ASB1: variants seen among roughly 807,000 people sequenced by gnomAD.
ASB1 encodes ankyrin repeat and SOCS box protein 1.
ASB1 carries 18 observed loss-of-function variants against 27.7 expected under a neutral mutation model. The ratio of observed to expected loss-of-function variants is 0.65; its 90% CI spans 0.45 to 0.96. The LOEUF is 0.96. Among genes scored for constraint, ASB1 ranks in the 50% least tolerant of loss-of-function variants. The pLI is 0.00. For synonymous variants in ASB1, 189 were observed against 187.6 expected (o/e 1.01, Z -0.06); for missense variants, 397 against 451.7 (o/e 0.88, Z 1.10).
chr2:238,434,293 C>T (rs938543476), intron 2 of ASB1, among the ~76,000 whole-genome samples: 3 of 152,226 alleles, frequency 2.0e-5, no homozygotes, highest in Non-Finnish European at 2.9e-5. Flanking sequence ...CTTGCCCTTC[C>T]CTCTCCCTGC....
At chr2:238,438,602 A>G (rs1702019257) in intron 3 of ASB1, among the ~76,000 whole-genome samples, 1 of 152,236 alleles carries the variant, frequency 6.6e-6, no homozygotes, top group Admixed American at 6.5e-5. Flanking sequence ...ATATTATTCT[A>G]TTAAAAAGTT....
intron 3 of ASB1, among the ~76,000 whole-genome samples, chr2:238,440,650 C>T (rs1177324207): frequency 2.0e-5 from 3 of 152,154 alleles, no homozygotes; most frequent in Admixed American, 1.3e-4. Context: ...TTGACTGATC[C>T]CTGTTCAGAG....
chr2:238,433,092 G>A (rs1701901247), intron 1 of ASB1, among the ~76,000 whole-genome samples: 1 of 151,774 alleles, frequency 6.6e-6, no homozygotes, highest in South Asian at 2.1e-4. Flanking sequence ...TATTCTTCAG[G>A]TTTGCCTTAT....
intron 3 of ASB1, among the ~76,000 whole-genome samples, chr2:238,441,018 G>A (rs1007531851): frequency 6.6e-6 from 1 of 152,214 alleles, no homozygotes; most frequent in Non-Finnish European, 1.5e-5. Flanking sequence ...GGAGTGGTCT[G>A]TGCTAATCAT....
At chr2:238,442,371 T>C (rs1314201466) in intron 3 of ASB1, among the ~76,000 whole-genome samples, 3 of 152,006 alleles carry the variant, frequency 2.0e-5, no homozygotes, top group African/African-American at 7.2e-5. Context: ...CTTGGCCTCC[T>C]AAAGTGCTGG....
At position 238,427,090 on chromosome 2, in the gene ASB1, C is replaced by G; in HGVS notation, c.20C>G (p.Pro7Arg). MAEGGSPDGRAGPGSAG... is the reference protein window; with the variant it reads MAEGGSRDGRAGPGSAG... ...GCATCCATGGCGGAGGGCGGCAGCC[C>G]AGACGGGCGGGCAGGGCCGGGCTCC... The change falls in exon 1 of 5, where the codon CCA becomes CGA. Residue 7 changes from proline (P) to arginine (R), a missense_variant. Pro to Arg is a moderately radical substitution (Grantham distance 103). Coordinates refer to ENST00000264607, the MANE Select transcript of ASB1 (RefSeq NM_001040445.3). 1 of 1,262,914 alleles carries G rather than the reference C, an allele frequency of 7.9e-7. No individual in the cohort carries two copies. The allele number at this position is 1,262,914 out of a possible 1,614,324, so 78.2% of individuals were successfully genotyped here.
chr2:238,431,544 C>T (rs1701871480), intron 1 of ASB1, among the ~76,000 whole-genome samples: 1 of 152,272 alleles, frequency 6.6e-6, no homozygotes, highest in African/African-American at 2.4e-5. Context: ...GCATTCACAA[C>T]TTGGCTGTTT....
intron 1 of ASB1, among the ~76,000 whole-genome samples, chr2:238,428,933 C>T (rs1168861915): frequency 2.0e-5 from 3 of 152,152 alleles, no homozygotes; most frequent in African/African-American, 7.2e-5. Context: ...CGACTTTGAA[C>T]TTTTTCACTC....
chr2:238,430,068 TG>T (rs1419936934), intron 1 of ASB1, among the ~76,000 whole-genome samples: 7 of 152,226 alleles, frequency 4.6e-5, no homozygotes, highest in Non-Finnish European at 1.0e-4. Context: ...ATCTTTTTGC[TG>T]GTGGAGGGTC....
At chr2:238,439,605 G>A (rs1326233286) in intron 3 of ASB1, among the ~76,000 whole-genome samples, 1 of 152,166 alleles carries the variant, frequency 6.6e-6, no homozygotes, top group Admixed American at 6.5e-5. Context: ...TGGTGGTGAC[G>A]AATCTTGTGA....
rs1235921145 is a variant in ASB1, at chr2:238,447,946, C to T, written c.*1435C>T. 1 of 152,250 alleles carries T rather than the reference C, an allele frequency of 6.6e-6. No individual in the cohort carries two copies. The highest frequency in any genetic ancestry group is 1.5e-5 in the Non-Finnish European group (1 of 68,080). The allele number at this position is 152,250 out of a possible 1,614,324, so 9.4% of individuals were successfully genotyped here. ...CACAAATGGGCTCTGTGTGGGTCAC[C>T]CCAGCTGACCCGTGTATGTGCAGAT... is the stretch of plus-strand genomic sequence containing the variant. On this transcript the variant is annotated 3_prime_UTR_variant, in exon 5 of 5. Coordinates refer to ENST00000264607, the MANE Select transcript of ASB1 (RefSeq NM_001040445.3).
intron 3 of ASB1, among the ~76,000 whole-genome samples, chr2:238,438,446 C>T (rs187658320): frequency 2.6e-5 from 4 of 152,096 alleles, no homozygotes; most frequent in African/African-American, 7.2e-5. Context: ...GTGATCCGCC[C>T]GCCTCGGCCT....
In ASB1 at chr2:238,449,714, T is replaced by C. The variant is rs1212000871; in HGVS notation, c.*3203T>C. The C allele has an allele frequency of 6.6e-6, 1 of 152,246 alleles. No homozygotes were observed. The highest frequency in any genetic ancestry group is 1.5e-5 in the Non-Finnish European group (1 of 68,040). 9.4% of individuals were successfully genotyped at this position (152,246 alleles called of 1,614,324 possible). ...TAAGGCAACAATGCTTGTTTTTTGG[T>C]GTTTTCTTTTGACATTTGAAAATTT... On this transcript the variant is annotated 3_prime_UTR_variant, in exon 5 of 5. Transcript: ENST00000264607.
At chr2:238,429,019 G>T (rs1433788035) in intron 1 of ASB1, among the ~76,000 whole-genome samples, 1 of 152,198 alleles carries the variant, frequency 6.6e-6, no homozygotes, top group East Asian at 1.9e-4. Flanking sequence ...GGCTTAAAGA[G>T]CTGTTCATGC....
At chr2:238,433,471 A>G (rs1701907939) in intron 1 of ASB1, 83 bp from the exon 2 acceptor site, 2 of 1,523,922 alleles carry the variant, frequency 1.3e-6, no homozygotes. Flanking sequence ...GGGAGAGGGA[A>G]GGCTCGCTGC....
At chr2:238,444,192 G>A (rs1702131662) in intron 3 of ASB1, 150 bp from the exon 4 acceptor site, 1 of 711,186 alleles carries the variant, frequency 1.4e-6, no homozygotes, top group Admixed American at 3.2e-5. Context: ...ACGTAGTGAA[G>A]CTATCTGATC....
intron 3 of ASB1, among the ~76,000 whole-genome samples, chr2:238,438,264 A>T (rs576434538): frequency 7.7e-6 from 1 of 129,362 alleles, no homozygotes; most frequent in African/African-American, 3.1e-5. Context: ...CAGTGGCGCT[A>T]TCTCGGTTCA....
In ASB1 at chr2:238,446,911, A is replaced by AGT. The variant is rs1320517584; in HGVS notation, c.*401_*402dup. On this transcript the variant is annotated 3_prime_UTR_variant, in exon 5 of 5. Coordinates refer to ENST00000264607, the MANE Select transcript of ASB1 (RefSeq NM_001040445.3). ...TTTGATGGTTCGATTAAAGCCTTCT[A>AGT]GTATCTCAATGAAAAGGGAGTTTCG... is the stretch of plus-strand genomic sequence containing the variant. The AGT allele has an allele frequency of 5.3e-6, 1 of 187,606 alleles. No homozygotes were observed. The highest frequency in any genetic ancestry group is 1.1e-5 in the Non-Finnish European group (1 of 89,504). The allele number at this position is 187,606 out of a possible 1,614,324, so 11.6% of individuals were successfully genotyped here. A position where few individuals can be genotyped will look rare whatever the true frequency, so the allele number is the denominator to read the frequency against.
chr2:238,432,092 G>T (rs1225434258), intron 1 of ASB1, among the ~76,000 whole-genome samples: 2 of 152,174 alleles, frequency 1.3e-5, no homozygotes, highest in Non-Finnish European at 2.9e-5. Context: ...AAGGCTGCCG[G>T]TATTAGGTTG....
Sources: gnomAD v4.1 joint callset for allele counts (sites outside exome capture counted in the v4.1 genomes callset) on GRCh38, gnomAD v4.1.1 for gene constraint, MANE v1.5 for transcripts, NCBI Gene and HGNC (gene_info 2026-07-23, HGNC 2026-07-21) for gene names.